The following CEP128 variants were observed in gnomAD, a reference collection of about 807,000 sequenced individuals.
CEP128 encodes centrosomal protein 128, also known as centrosomal protein 128kDa.
CEP128 carries 132 observed loss-of-function variants against 156.7 expected under a neutral mutation model. The observed-to-expected ratio is 0.84, with a 90% CI of 0.73 to 0.97. The LOEUF (loss-of-function observed/expected upper bound fraction) is 0.97, where lower values mean the gene tolerates loss of function less well. Ranked by LOEUF, CEP128 falls within the 50% of genes least tolerant of loss-of-function variation. The probability of loss-of-function intolerance (pLI) is 0.00; values close to 1 mark genes in which losing one functional copy is unlikely to be tolerated. For missense variants in CEP128, 1,252 were observed against 1,281.9 expected (o/e 0.98, Z 0.36); for synonymous variants, 469 against 448.9 (o/e 1.04, Z -0.57).
intron 2 of CEP128, among the ~76,000 whole-genome samples, chr14:80,950,057 T>G (rs1886429688): frequency 6.6e-6 from 1 of 152,184 alleles, no homozygotes; most frequent in Admixed American, 6.5e-5. Context: ...TGGATTAGCA[T>G]GGACCCAAAT....
intron 19 of CEP128, among the ~76,000 whole-genome samples, chr14:80,724,338 T>C (rs891335246): frequency 2.0e-5 from 3 of 152,120 alleles, no homozygotes; most frequent in African/African-American, 7.2e-5. Flanking sequence ...TTGAATAAAA[T>C]CATCTCAGCC....
downstream of CEP128, among the ~76,000 whole-genome samples, chr14:80,485,940 C>A (rs980838106): frequency 1.3e-5 from 2 of 152,140 alleles, no homozygotes; most frequent in African/African-American, 4.8e-5. Context: ...GTACAAATTC[C>A]AAACCATAAA....
chr14:80,710,850 G>A (rs942357266), intron 19 of CEP128, among the ~76,000 whole-genome samples: 1 of 152,054 alleles, frequency 6.6e-6, no homozygotes, highest in African/African-American at 2.4e-5. Flanking sequence ...ACAATTTCAA[G>A]ACCATAATAT....
In CEP128 at chr14:80,916,439, C is replaced by A; in HGVS notation, c.109G>T (p.Val37Phe). The stretch of plus-strand genomic sequence containing the variant: ...GTTATAGTGTTGACCTTCTCGGTAA[C>A]TTCTACTGTAGGAAGACTTCGAGTT... ...RGTRSLPTVE[V>F]TEKVNTITST... is the part of the protein sequence containing the mutation. The change falls in exon 3 of 25, where the codon GTT becomes TTT. Residue 37 changes from valine (V) to phenylalanine (F), a missense_variant. Coordinates refer to ENST00000555265, the MANE Select transcript of CEP128 (RefSeq NM_152446.5). 6.2e-7 allele frequency: 1 copy of A among 1,614,092 alleles called. No homozygotes were observed. The highest frequency in any genetic ancestry group is 8.5e-7 in the Non-Finnish European group (1 of 1,179,966).
At chr14:80,568,755 C>T (rs1264314489) in intron 20 of CEP128, among the ~76,000 whole-genome samples, 7 of 152,102 alleles carry the variant, frequency 4.6e-5, no homozygotes, top group Non-Finnish European at 1.0e-4. Flanking sequence ...ACCAGATTAT[C>T]TGCCCTCTGA....
At chr14:80,656,534 C>T (rs1270182531) in intron 19 of CEP128, among the ~76,000 whole-genome samples, 1 of 150,976 alleles carries the variant, frequency 6.6e-6, no homozygotes, top group Non-Finnish European at 1.5e-5. Context: ...GTTTTCTCCA[C>T]CTGAAAAGTT....
intron 19 of CEP128, among the ~76,000 whole-genome samples, chr14:80,623,279 A>T (rs1190209332): frequency 6.7e-6 from 1 of 149,052 alleles, no homozygotes; most frequent in African/African-American, 2.5e-5. Flanking sequence ...TGGACACAGG[A>T]AGGGGAACAT....
chr14:80,543,765 T>C (rs1434780829), intron 21 of CEP128, among the ~76,000 whole-genome samples: 1 of 152,208 alleles, frequency 6.6e-6, no homozygotes, highest in Non-Finnish European at 1.5e-5. Context: ...TGAAGCTTTG[T>C]GGCTGGTAGC....
At chr14:80,632,814 T>C (rs911694865) in intron 19 of CEP128, among the ~76,000 whole-genome samples, 2 of 152,152 alleles carry the variant, frequency 1.3e-5, no homozygotes, top group African/African-American at 4.8e-5. Flanking sequence ...GGCAAGTGCA[T>C]ACATTCAATT....
intron 13 of CEP128, among the ~76,000 whole-genome samples, chr14:80,822,951 G>A (rs1316446517): frequency 6.6e-6 from 1 of 152,026 alleles, no homozygotes; most frequent in Non-Finnish European, 1.5e-5. Context: ...TGGGGGAAGG[G>A]GCATACGTCA....
chr14:80,744,389 A>C (rs1374080927), intron 18 of CEP128, among the ~76,000 whole-genome samples: 1 of 152,142 alleles, frequency 6.6e-6, no homozygotes, highest in Non-Finnish European at 1.5e-5. Context: ...AAGTCTCATC[A>C]AAAACAAAAG....
rs139921408 is a variant in CEP128, at chr14:80,848,305, T to C, written c.763-7537A>G. 1.2e-4 allele frequency among the ~76,000 whole-genome samples: 19 copies of C among 152,280 alleles called. 1 individual carries two copies. Among genetic ancestry groups the C allele is most frequent in the African/African-American group, 4.3e-4 (18 of 41,558 alleles). Reference sequence around the variant, plus strand: ...GCCCAGGAGCAGGAGGTACATGGTATATCCATGGAAAAGCAAGACGGCCAG... The same window carrying C: ...GCCCAGGAGCAGGAGGTACATGGTACATCCATGGAAAAGCAAGACGGCCAG... On this transcript the variant is annotated intron_variant, in intron 9 of 24. Coordinates refer to ENST00000555265, the MANE Select transcript of CEP128 (RefSeq NM_152446.5).
intron 8 of CEP128, 133 bp downstream of exon 8, chr14:80,895,585 A>T: frequency 1.9e-6 from 1 of 520,234 alleles, no homozygotes. Context: ...TAAGAGCTAC[A>T]AGAACACACT....
At chr14:80,956,484 A>G (rs1382040069) in intron 2 of CEP128, among the ~76,000 whole-genome samples, 2 of 152,352 alleles carry the variant, frequency 1.3e-5, no homozygotes, top group Non-Finnish European at 2.9e-5. Context: ...ATTTATCTGC[A>G]TGTTAAATGT....
chr14:80,567,871 A>T (rs1890981255), intron 20 of CEP128, among the ~76,000 whole-genome samples: 1 of 152,098 alleles, frequency 6.6e-6, no homozygotes, highest in Admixed American at 6.6e-5. Context: ...ATGGAGAAAG[A>T]GGAATTGAGG....
chr14:80,564,982 C>T (rs1001933764), intron 20 of CEP128, among the ~76,000 whole-genome samples: 5 of 152,186 alleles, frequency 3.3e-5, no homozygotes, highest in African/African-American at 9.6e-5. Flanking sequence ...TCCCTTGAAC[C>T]CAGGAGGTGG....
chr14:80,600,919 G>T (rs111860740), intron 19 of CEP128, among the ~76,000 whole-genome samples: 1 of 148,802 alleles, frequency 6.7e-6, no homozygotes, highest in African/African-American at 2.5e-5. Context: ...GTATGCTATT[G>T]AAATTAACTT....
intron 19 of CEP128, among the ~76,000 whole-genome samples, chr14:80,699,244 G>A (rs1029268343): frequency 2.0e-5 from 3 of 152,184 alleles, no homozygotes; most frequent in Admixed American, 6.5e-5. Flanking sequence ...CTGCCAAGAC[G>A]TGCAGAGCAT....
At chr14:80,892,370 T>C (rs12880005) in intron 8 of CEP128, among the ~76,000 whole-genome samples, 2 of 151,808 alleles carry the variant, frequency 1.3e-5, no homozygotes, top group East Asian at 1.9e-4. Context: ...CAAAAGAATC[T>C]GAACCTTATA....
Sources: allele counts gnomAD v4.1 joint callset (sites outside exome capture counted in the v4.1 genomes callset), GRCh38; gene constraint gnomAD v4.1.1; transcripts MANE v1.5; gene names NCBI Gene and HGNC (gene_info 2026-07-23, HGNC 2026-07-21).